Variants in ANGPTL7 observed in about 807,000 individuals in gnomAD.
The protein encoded by ANGPTL7 is angiopoietin like 7.
Under a neutral mutation model 38.8 loss-of-function variants are expected in ANGPTL7, and 37 were observed. The observed-to-expected ratio is 0.95, with a 90% confidence interval of 0.73 to 1.25. ANGPTL7 has a LOEUF of 1.25. ANGPTL7 is among the 50% of genes most tolerant of loss of function. The pLI, the probability that ANGPTL7 is intolerant of heterozygous loss-of-function variation, is 0.00. For missense variants in ANGPTL7, 427 were observed against 438.6 expected, an observed-to-expected ratio of 0.97 and a Z score of 0.24; for synonymous variants, 166 against 163.2, an observed-to-expected ratio of 1.02 and a Z score of -0.13.
In ANGPTL7 at chr1:11,194,533, C is replaced by T; in HGVS notation, c.745C>T (p.Leu249Phe). 6.2e-7 allele frequency: 1 copy of T among 1,614,124 alleles called. No homozygotes were observed. Among genetic ancestry groups the T allele is most frequent in the Non-Finnish European group, 8.5e-7 (1 of 1,180,004 alleles). Reference protein sequence around the residue: ...VLGNELNSYRLFLGNYTGNVG... With the variant: ...VLGNELNSYRFFLGNYTGNVG... ...GGGCAATGAACTCAACAGCTATCGC[C>T]TCTTCCTGGGGAACTACACTGGCAA... is the stretch of plus-strand genomic sequence containing the variant. The change falls in exon 4 of 5, where the codon CTC becomes TTC. Residue 249 changes from leucine (L) to phenylalanine (F), a missense_variant. Coordinates refer to ENST00000376819, the MANE Select transcript of ANGPTL7 (RefSeq NM_021146.4).
At chr1:11,191,731 G>C (rs1358165475) in intron 1 of ANGPTL7, among the ~76,000 whole-genome samples, 1 of 152,180 alleles carries the variant, frequency 6.6e-6, no homozygotes, top group African/African-American at 2.4e-5. Flanking sequence ...TGAGGTGCTA[G>C]CTGGATGGAA....
In ANGPTL7 at chr1:11,189,855, G is replaced by T; in HGVS notation, c.276G>T (p.Glu92Asp). ...TGGAGAGCAACAGCAAGCGCATGGA[G>T]TCGCGGCTCACAGATGCTGAGAGCA... ...MELESNSKRM[E>D]SRLTDAESKY... Residue 92 changes from glutamate (E) to aspartate (D), a missense_variant, in exon 1 of 5, where the codon GAG (glutamate) becomes GAT (aspartate). Glu to Asp is a conservative substitution (Grantham distance 45, BLOSUM62 2). Coordinates refer to ENST00000376819, the MANE Select transcript of ANGPTL7 (RefSeq NM_021146.4). 1 of 1,614,234 alleles carries T rather than the reference G, an allele frequency of 6.2e-7. No homozygotes were observed. The highest frequency in any genetic ancestry group is 8.5e-7 in the Non-Finnish European group (1 of 1,180,032).
intron 3 of ANGPTL7, among the ~76,000 whole-genome samples, 191 bp downstream of exon 3, chr1:11,193,965 G>A (rs149629926): frequency 6.2e-4 from 94 of 152,140 alleles, no homozygotes; most frequent in African/African-American, 2.1e-3. Flanking sequence ...CCAACCCCCC[G>A]ACAAAAGTGG....
At chr1:11,192,750 A>T (rs1363518500) in intron 2 of ANGPTL7, among the ~76,000 whole-genome samples, 2 of 20,360 alleles carry the variant, frequency 9.8e-5, no homozygotes, top group Admixed American at 1.6e-3. Context: ...ATTTCAATTA[A>T]AAAAAAAAAA....
In ANGPTL7 at chr1:11,195,005, A is replaced by G. The variant is rs769539979; in HGVS notation, c.1023A>G (p.Pro341=). The part of the protein sequence containing the change: ...SLKRVEMKIR[P]EDFKP ...AACGGGTGGAGATGAAAATCCGCCC[A>G]GAAGACTTCAAGCCTTAAAAGGAGG... Residue 341 remains proline, a synonymous_variant, in exon 5 of 5, where the codon CCA becomes CCG. Coordinates refer to ENST00000376819, the MANE Select transcript of ANGPTL7 (RefSeq NM_021146.4). 42 of 1,613,704 alleles carry G rather than the reference A, an allele frequency of 2.6e-5. No homozygotes were observed. Among genetic ancestry groups the G allele is most frequent in the Non-Finnish European group, 8.5e-7 (1 of 1,180,016 alleles).
chr1:11,193,521 C>G, intron 2 of ANGPTL7, 59 bp from the exon 3 acceptor site: 1 of 1,497,394 alleles, frequency 6.7e-7, no homozygotes, highest in Non-Finnish European at 9.0e-7. Flanking sequence ...GAAGCCTGCC[C>G]TCTTGCTCCT....
chr1:11,194,985 G>A lies in ANGPTL7; in HGVS notation c.1003G>A (p.Val335Met), dbSNP rs777693189. ...WHGSTYSLKR[V>M]EMKIRPEDFK... ...TGGATCTACCTACTCCCTCAAACGGGTGGAGATGAAAATCCGCCCAGAAGA... is the reference window on the plus strand; with the variant it reads ...TGGATCTACCTACTCCCTCAAACGGATGGAGATGAAAATCCGCCCAGAAGA... The change falls in exon 5 of 5, where the codon GTG becomes ATG. Residue 335 changes from valine (V) to methionine (M), a missense_variant. By Grantham distance (21) the Val-to-Met change is conservative. Transcript: ENST00000376819. The A allele has an allele frequency of 1.9e-6, 3 of 1,613,926 alleles. No individual in the cohort carries two copies. The highest frequency in any genetic ancestry group is 1.7e-6 in the Non-Finnish European group (2 of 1,180,030).
Position 11,195,001 on chromosome 1 carries a change from G to A in ANGPTL7, c.1019G>A (p.Arg340His), listed in dbSNP as rs374367831. Residue 340 changes from arginine to histidine, a missense_variant, in exon 5 of 5, where the codon CGC (arginine) becomes CAC (histidine). By Grantham distance (29) the Arg-to-His change is conservative (BLOSUM62 0). Coordinates refer to ENST00000376819, the MANE Select transcript of ANGPTL7 (RefSeq NM_021146.4). The part of the protein sequence containing the change: ...YSLKRVEMKI[R>H]PEDFKP ...CTCAAACGGGTGGAGATGAAAATCC[G>A]CCCAGAAGACTTCAAGCCTTAAAAG... 4.6e-5 allele frequency: 75 copies of A among 1,613,760 alleles called. No individual in the cohort carries two copies. Among genetic ancestry groups the A allele is most frequent in the Admixed American group, 6.7e-5 (4 of 60,004 alleles).
At chr1:11,194,365 ATGTT>A in intron 3 of ANGPTL7, 92 bp from the exon 4 acceptor site, 3 of 1,122,700 alleles carry the variant, frequency 2.7e-6, no homozygotes, top group Non-Finnish European at 2.7e-6. Context: ...CTATAAAAAG[ATGTT>A]TGGCTATGGG....
intron 2 of ANGPTL7, 50 bp downstream of exon 2, chr1:11,192,420 C>T (rs762478183): frequency 6.9e-7 from 1 of 1,456,810 alleles, no homozygotes; most frequent in Non-Finnish European, 9.6e-7. Context: ...TCCTTCACCC[C>T]CTCAAGGGGA....
At chr1:11,193,183 G>A (rs1315509922) in intron 2 of ANGPTL7, among the ~76,000 whole-genome samples, 2 of 151,848 alleles carry the variant, frequency 1.3e-5, no homozygotes, top group Admixed American at 1.3e-4. Flanking sequence ...CCAGTGTGGT[G>A]ACAGGCACTC....
At chr1:11,193,904 A>G in intron 3 of ANGPTL7, 130 bp downstream of exon 3, 1 of 1,044,792 alleles carries the variant, frequency 9.6e-7, no homozygotes, top group Non-Finnish European at 1.4e-6. Context: ...TTTTCCTGCA[A>G]GTTGTAATGG....
intron 2 of ANGPTL7, 60 bp from the exon 3 acceptor site, chr1:11,193,520 C>T (rs566465776): frequency 1.3e-6 from 2 of 1,482,872 alleles, no homozygotes; most frequent in African/African-American, 2.8e-5. Flanking sequence ...GGAAGCCTGC[C>T]CTCTTGCTCC....
At position 11,194,399 on chromosome 1, in the gene ANGPTL7, T is replaced by C. The variant is rs113399509; in HGVS notation, c.673-62T>C. ...TATGGGACTGTCAGGAGAGAAGGGGTATAGAGACAGCATGAAATGGAGCCT... is the reference window on the plus strand; with the variant it reads ...TATGGGACTGTCAGGAGAGAAGGGGCATAGAGACAGCATGAAATGGAGCCT... On this transcript the variant is annotated intron_variant, in intron 3 of 4. Coordinates refer to ENST00000376819, the MANE Select transcript of ANGPTL7 (RefSeq NM_021146.4). 1,162 of 1,499,552 alleles carry C rather than the reference T, an allele frequency of 7.7e-4. 7 individuals carry two copies. The African/African-American group carries it at 8.3e-3, about 11-fold the overall frequency. The allele number at this position is 1,499,552 out of a possible 1,614,324, so 92.9% of individuals were successfully genotyped here.
intron 1 of ANGPTL7, among the ~76,000 whole-genome samples, chr1:11,190,806 G>T (rs1190227384): frequency 1.3e-5 from 2 of 152,120 alleles, no homozygotes; most frequent in African/African-American, 4.8e-5. Context: ...ATTTCTTGCT[G>T]ATATAAAAAC....
rs28990992 is a variant in ANGPTL7, at chr1:11,189,732, G to C, written c.153G>C (p.Glu51Asp). The part of the protein sequence containing the change: ...KAANCCEEVK[E>D]LKAQVANLSS... ...CCAACTGCTGTGAGGAGGTGAAGGAGCTCAAGGCCCAAGTTGCCAACCTTA... is the reference window on the plus strand; with the variant it reads ...CCAACTGCTGTGAGGAGGTGAAGGACCTCAAGGCCCAAGTTGCCAACCTTA... Residue 51 changes from glutamate to aspartate, a missense_variant, in exon 1 of 5, where the codon GAG becomes GAC. Coordinates refer to ENST00000376819, the MANE Select transcript of ANGPTL7 (RefSeq NM_021146.4). The C allele has an allele frequency of 0.011, 18,013 of 1,614,128 alleles. 649 individuals carry two copies. The highest frequency in any genetic ancestry group is 0.074 in the African/African-American group (5,548 of 75,038).
Position 11,189,945 on chromosome 1 carries a change from G to C in ANGPTL7, c.366G>C (p.Gln122His). Residue 122 changes from glutamine to histidine, a missense_variant, in exon 1 of 5, where the codon CAG (glutamine) becomes CAC (histidine). Physicochemically the swap from Gln to His is conservative, Grantham distance 24. Transcript: ENST00000376819. The part of the protein sequence containing the change: ...MQLQAAQTVT[Q>H]TSADAIYDCS... ...TGCAGGCAGCACAGACGGTCACTCA[G>C]ACCTCCGCAGGTAAGGAGACCAGTC... is the stretch of plus-strand genomic sequence containing the variant. 6.2e-7 allele frequency: 1 copy of C among 1,609,034 alleles called. No individual in the cohort carries two copies. Among genetic ancestry groups the C allele is most frequent in the Non-Finnish European group, 8.5e-7 (1 of 1,177,658 alleles).
At position 11,194,428 on chromosome 1, in the gene ANGPTL7, G is replaced by A. The variant is rs769091957; in HGVS notation, c.673-33G>A. 5.6e-6 allele frequency: 9 copies of A among 1,607,112 alleles called. No individual in the cohort carries two copies. In the Admixed American group the frequency reaches 1.2e-4, roughly 21 times the overall value. On this transcript the variant is annotated intron_variant, in intron 3 of 4. Transcript: ENST00000376819. ...GAGACAGCATGAAATGGAGCCTGCT[G>A]CACTTTCTTTAAGGCTCTGCTCCTC...
chr1:11,195,307 T>C lies in ANGPTL7; in HGVS notation c.*284T>C, dbSNP rs1645744154. 6.1e-6 allele frequency: 2 copies of C among 330,324 alleles called. No individual in the cohort carries two copies. The highest frequency in any genetic ancestry group is 1.0e-4 in the East Asian group (2 of 19,464). 20.5% of individuals were successfully genotyped at this position (330,324 alleles called of 1,614,324 possible). On this transcript the variant is annotated 3_prime_UTR_variant, in exon 5 of 5. Transcript: ENST00000376819. ...CCAAGATCCCTGACATAGCAGTAGC[T>C]TGTCTTTTCCACATGATTTGTCTGT...
Sources: allele counts gnomAD v4.1 joint callset (sites outside exome capture counted in the v4.1 genomes callset), GRCh38; gene constraint gnomAD v4.1.1; transcripts MANE v1.5; gene names NCBI Gene and HGNC (gene_info 2026-07-23, HGNC 2026-07-21).